LYPD6: variants seen among roughly 807,000 people sequenced by gnomAD.
The protein encoded by LYPD6 is LY6/PLAUR domain containing 6, also known as ly6/PLAUR domain-containing protein 6.
In LYPD6, 15 loss-of-function variants were observed where a neutral mutation model predicts 22.7. That is an observed-to-expected ratio of 0.66 (90% CI 0.44 to 1.02). The LOEUF (loss-of-function observed/expected upper bound fraction) is 1.02. Among genes scored for constraint, LYPD6 ranks in the 50% least tolerant of loss-of-function variants. LYPD6 has a pLI of 0.00. For missense variants in LYPD6, 189 were observed against 208.4 expected (o/e 0.91, Z 0.57); for synonymous variants, 72 against 77.5 (o/e 0.93, Z 0.37).
intron 1 of LYPD6, among the ~76,000 whole-genome samples, chr2:149,393,558 G>A (rs1370053494): frequency 1.3e-5 from 2 of 152,216 alleles, no homozygotes; most frequent in African/African-American, 4.8e-5. Flanking sequence ...AAAGCAGAGT[G>A]GACAGGGCAG....
chr2:149,443,322 T>C (rs1683610018), intron 2 of LYPD6, among the ~76,000 whole-genome samples: 2 of 152,208 alleles, frequency 1.3e-5, no homozygotes, highest in East Asian at 1.9e-4. Context: ...GAATAACTAA[T>C]TCAGTATTCC....
chr2:149,394,972 A>C (rs374486223), intron 1 of LYPD6, among the ~76,000 whole-genome samples: 3 of 152,228 alleles, frequency 2.0e-5, no homozygotes, highest in East Asian at 1.9e-4. Context: ...AAATGAGATT[A>C]TTGAAACATA....
At chr2:149,348,369 G>A (rs1330315521) in intron 1 of LYPD6, among the ~76,000 whole-genome samples, 1 of 152,126 alleles carries the variant, frequency 6.6e-6, no homozygotes, top group African/African-American at 2.4e-5. Flanking sequence ...AAACTAAAGC[G>A]AGGAAGGGGA....
intron 1 of LYPD6, among the ~76,000 whole-genome samples, chr2:149,398,695 T>G (rs931798116): frequency 4.6e-5 from 7 of 152,042 alleles, no homozygotes; most frequent in African/African-American, 1.7e-4. Context: ...CAGCTCGACC[T>G]GAATTGAACT....
chr2:149,458,235 C>G lies in LYPD6; in HGVS notation c.217+9088C>G, dbSNP rs1416979740. Among the ~76,000 whole-genome samples the G allele has an allele frequency of 2.6e-5, 4 of 152,214 alleles. No individual in the cohort carries two copies. In the East Asian group the frequency reaches 7.7e-4, roughly 29 times the overall value. ...CTTGTCCCTCCCCACCAGGCAGTAA[C>G]AAGGTCTCTTCCACAGTGTCAATGG... is the stretch of plus-strand genomic sequence containing the variant. On this transcript the variant is annotated intron_variant, in intron 3 of 4. Coordinates refer to ENST00000334166, the MANE Select transcript of LYPD6 (RefSeq NM_194317.5).
At chr2:149,352,200 T>G (rs1250838760) in intron 1 of LYPD6, among the ~76,000 whole-genome samples, 1 of 151,844 alleles carries the variant, frequency 6.6e-6, no homozygotes, top group Non-Finnish European at 1.5e-5. Context: ...CCCCAATGAG[T>G]GGTGCAGACA....
chr2:149,465,161 G>A (rs1681173995), intron 3 of LYPD6, among the ~76,000 whole-genome samples: 1 of 152,210 alleles, frequency 6.6e-6, no homozygotes, highest in Non-Finnish European at 1.5e-5. Context: ...AGTGTTGAAA[G>A]TGGAGAGAAC....
At chr2:149,423,914 A>G (rs1041507025) in intron 1 of LYPD6, among the ~76,000 whole-genome samples, 10 of 152,148 alleles carry the variant, frequency 6.6e-5, no homozygotes, top group African/African-American at 2.4e-4. Flanking sequence ...AGTATTTCCC[A>G]TGGATGCCTC....
At chr2:149,384,738 T>G (rs1682143210) in intron 1 of LYPD6, among the ~76,000 whole-genome samples, 1 of 152,088 alleles carries the variant, frequency 6.6e-6, no homozygotes, top group Non-Finnish European at 1.5e-5. Flanking sequence ...TTTATTTTAT[T>G]ATTATTATAC....
intron 1 of LYPD6, among the ~76,000 whole-genome samples, chr2:149,339,323 G>A (rs1377019907): frequency 6.6e-6 from 1 of 152,156 alleles, no homozygotes; most frequent in Non-Finnish European, 1.5e-5. Context: ...TATTGGACAG[G>A]TTCTGGAGCC....
chr2:149,481,739 A>G, the LYPD6 span, among the ~76,000 whole-genome samples: 39 of 152,368 alleles, frequency 2.6e-4, no homozygotes, highest in African/African-American at 9.1e-4. Flanking sequence ...AAATATGTAC[A>G]TTAAAAAATG....
intron 1 of LYPD6, among the ~76,000 whole-genome samples, chr2:149,397,741 T>G (rs1206302421): frequency 2.0e-5 from 3 of 152,232 alleles, no homozygotes; most frequent in African/African-American, 7.2e-5. Flanking sequence ...CTGTGGTTCT[T>G]TTCTGTAAGT....
chr2:149,376,964 T>A (rs1681935482), intron 1 of LYPD6, among the ~76,000 whole-genome samples: 1 of 152,218 alleles, frequency 6.6e-6, no homozygotes, highest in Non-Finnish European at 1.5e-5. Flanking sequence ...TCACCAAACC[T>A]TTGCATCTCC....
intron 1 of LYPD6, among the ~76,000 whole-genome samples, chr2:149,334,906 C>G (rs1681006734): frequency 6.6e-6 from 1 of 152,120 alleles, no homozygotes; most frequent in Non-Finnish European, 1.5e-5. Context: ...CTGAAAAATT[C>G]CTATCACCTA....
At chr2:149,372,330 G>T (rs1681830693) in intron 1 of LYPD6, among the ~76,000 whole-genome samples, 1 of 152,078 alleles carries the variant, frequency 6.6e-6, no homozygotes, top group African/African-American at 2.4e-5. Flanking sequence ...TTATGCTATT[G>T]TACTTTTGTC....
In LYPD6 at chr2:149,470,812, G is replaced by A; in HGVS notation, c.478G>A (p.Val160Met). ...NGHPRCMSVI[V>M]SCLWLWLGLM... The stretch of plus-strand genomic sequence containing the variant: ...GCACCCACGCTGTATGTCAGTGATA[G>A]TGTCCTGCTTGTGGTTGTGGTTAGG... Residue 160 changes from valine to methionine, a missense_variant, in exon 5 of 5, where the codon GTG becomes ATG. Coordinates refer to ENST00000334166, the MANE Select transcript of LYPD6 (RefSeq NM_194317.5). The A allele has an allele frequency of 1.2e-6, 2 of 1,613,654 alleles. No individual in the cohort carries two copies. Among genetic ancestry groups the A allele is most frequent in the Non-Finnish European group, 1.7e-6 (2 of 1,179,730 alleles).
At chr2:149,401,386 G>A (rs140541693) in intron 1 of LYPD6, among the ~76,000 whole-genome samples, 1 of 152,336 alleles carries the variant, frequency 6.6e-6, no homozygotes, top group Non-Finnish European at 1.5e-5. Context: ...GTAAGCAGAA[G>A]TGCCAGGCAC....
chr2:149,432,995 T>C (rs1021670194), intron 1 of LYPD6, among the ~76,000 whole-genome samples: 1 of 152,244 alleles, frequency 6.6e-6, no homozygotes, highest in Non-Finnish European at 1.5e-5. Flanking sequence ...GTTTTGAATA[T>C]GTAAATGAAT....
the LYPD6 span, among the ~76,000 whole-genome samples, chr2:149,486,162 A>T: frequency 6.6e-6 from 1 of 152,158 alleles, no homozygotes; most frequent in African/African-American, 2.4e-5. Flanking sequence ...ATTTCAACAC[A>T]CCAATATTGA....
Sources: gnomAD v4.1 joint callset for allele counts (sites outside exome capture counted in the v4.1 genomes callset) on GRCh38, gnomAD v4.1.1 for gene constraint, MANE v1.5 for transcripts, NCBI Gene and HGNC (gene_info 2026-07-23, HGNC 2026-07-21) for gene names.